The following APBB2 variants were observed in gnomAD, a reference collection of about 807,000 sequenced individuals.
The protein encoded by APBB2 is amyloid beta precursor protein binding family B member 2.
In APBB2, 38 loss-of-function variants were observed where a neutral mutation model predicts 82.5. That is an observed-to-expected ratio of 0.46 (90% CI 0.36 to 0.60). The LOEUF (loss-of-function observed/expected upper bound fraction) is 0.60, where lower values mean the gene tolerates loss of function less well. Ranked by LOEUF, APBB2 falls within the 20% of genes least tolerant of loss-of-function variation. APBB2 has a pLI of 0.00. For missense variants in APBB2, 772 were observed against 972.3 expected (o/e 0.79, Z 2.74); for synonymous variants, 341 against 368.2 (o/e 0.93, Z 0.85).
chr4:41,167,562 A>T (rs1331831639), intron 1 of APBB2, among the ~76,000 whole-genome samples: 1 of 152,218 alleles, frequency 6.6e-6, no homozygotes, highest in African/African-American at 2.4e-5. Flanking sequence ...CTAAATGTAC[A>T]AGTAGTGCCT....
At chr4:41,019,744 T>C (rs1398350012) in intron 5 of APBB2, among the ~76,000 whole-genome samples, 1 of 151,754 alleles carries the variant, frequency 6.6e-6, no homozygotes, top group Non-Finnish European at 1.5e-5. Flanking sequence ...AAGGTAGAGG[T>C]ATTGCATGCA....
At chr4:40,974,782 A>T (rs1796746485) in intron 6 of APBB2, among the ~76,000 whole-genome samples, 1 of 152,232 alleles carries the variant, frequency 6.6e-6, no homozygotes, top group Non-Finnish European at 1.5e-5. Context: ...TAAGAATGGC[A>T]TACAGTCGCT....
intron 5 of APBB2, among the ~76,000 whole-genome samples, chr4:41,021,307 C>T (rs903021707): frequency 6.6e-6 from 1 of 152,214 alleles, no homozygotes; most frequent in African/African-American, 2.4e-5. Context: ...AGTCATCACC[C>T]AATTCCCAAC....
intron 2 of APBB2, among the ~76,000 whole-genome samples, chr4:41,129,439 TG>T (rs1400663817): frequency 6.6e-6 from 1 of 152,164 alleles, no homozygotes; most frequent in Non-Finnish European, 1.5e-5. Flanking sequence ...CTGTGTGCCT[TG>T]GGAAGTCCAA....
intron 4 of APBB2, among the ~76,000 whole-genome samples, chr4:41,034,602 G>A (rs1426021753): frequency 1.3e-5 from 2 of 152,226 alleles, no homozygotes. Flanking sequence ...TGGGATTACA[G>A]GTGTGAGTCA....
At chr4:40,915,106 C>T (rs1779523828) in intron 10 of APBB2, among the ~76,000 whole-genome samples, 1 of 152,236 alleles carries the variant, frequency 6.6e-6, no homozygotes, top group South Asian at 2.1e-4. Context: ...CTTGTCCCCA[C>T]TGGTTATTCC....
intron 10 of APBB2, among the ~76,000 whole-genome samples, chr4:40,927,148 C>T (rs138088126): frequency 2.6e-4 from 36 of 141,136 alleles, no homozygotes; most frequent in African/African-American, 8.0e-4. Flanking sequence ...AAGATGAGGA[C>T]GCTGAAACCC....
chr4:41,101,356 T>C (rs4861369), intron 2 of APBB2, among the ~76,000 whole-genome samples: 106,308 of 147,386 alleles, frequency 0.72, 39,149 homozygotes, highest in African/African-American at 0.85. Flanking sequence ...CCCAGCTACT[T>C]GGGAGGCTGA....
At chr4:41,197,367 T>C in intron 1 of APBB2, among the ~76,000 whole-genome samples, 2 of 152,200 alleles carry the variant, frequency 1.3e-5, no homozygotes, top group African/African-American at 2.4e-5. Context: ...TATCTTCCAA[T>C]AGCAAATACA....
chr4:41,036,998 C>T (rs2154445102), intron 4 of APBB2, among the ~76,000 whole-genome samples: 1 of 152,282 alleles, frequency 6.6e-6, no homozygotes, highest in South Asian at 2.1e-4. Flanking sequence ...GCTGTGCTGT[C>T]CAATACAGTC....
intron 3 of APBB2, among the ~76,000 whole-genome samples, chr4:41,080,693 T>C (rs897719920): frequency 1.9e-4 from 26 of 139,106 alleles, no homozygotes; most frequent in Non-Finnish European, 3.5e-4. Flanking sequence ...GTGATGTAAA[T>C]GCTCCTTTTT....
intron 1 of APBB2, among the ~76,000 whole-genome samples, chr4:41,212,458 C>T (rs144072446): frequency 2.2e-3 from 333 of 152,270 alleles, no homozygotes; most frequent in Middle Eastern, 6.8e-3. Context: ...TCCCACCTCA[C>T]CATCCAGCTT....
At chr4:41,150,837 T>G (rs1431258984) in intron 1 of APBB2, among the ~76,000 whole-genome samples, 1 of 152,082 alleles carries the variant, frequency 6.6e-6, no homozygotes, top group Non-Finnish European at 1.5e-5. Context: ...ACCTACCAGG[T>G]TCAAGCGATT....
chr4:40,888,059 C>T (rs1445256822), intron 12 of APBB2, among the ~76,000 whole-genome samples: 5 of 152,220 alleles, frequency 3.3e-5, no homozygotes, highest in East Asian at 1.9e-4. Context: ...GACTCCTCTC[C>T]GACCTCCACT....
intron 3 of APBB2, among the ~76,000 whole-genome samples, chr4:41,090,888 G>C (rs1741452651): frequency 6.6e-6 from 1 of 152,160 alleles, no homozygotes; most frequent in Non-Finnish European, 1.5e-5. Context: ...AGTCAGAAGA[G>C]TCAGAAGTCA....
At chr4:41,044,187 T>A (rs959274936) in intron 4 of APBB2, among the ~76,000 whole-genome samples, 1 of 152,216 alleles carries the variant, frequency 6.6e-6, no homozygotes, top group Non-Finnish European at 1.5e-5. Flanking sequence ...CATCTACCAC[T>A]TGGTTTTCCA....
chr4:41,167,445 C>A (rs898407783), intron 1 of APBB2, among the ~76,000 whole-genome samples: 1 of 152,132 alleles, frequency 6.6e-6, no homozygotes, highest in African/African-American at 2.4e-5. Flanking sequence ...ATGATTAGCA[C>A]GTGAAAGACA....
intron 12 of APBB2, among the ~76,000 whole-genome samples, chr4:40,884,883 C>T (rs922097859): frequency 6.6e-6 from 1 of 152,048 alleles, no homozygotes; most frequent in African/African-American, 2.4e-5. Context: ...ATTCTTTAGA[C>T]AAAAGTTCCT....
chr4:40,903,809 G>C (rs527974994), intron 10 of APBB2, among the ~76,000 whole-genome samples: 1 of 152,282 alleles, frequency 6.6e-6, no homozygotes, highest in Admixed American at 6.5e-5. Flanking sequence ...TGCTGCCTAT[G>C]CTGCAATAGC....
Sources: gnomAD v4.1 joint callset for allele counts (sites outside exome capture counted in the v4.1 genomes callset) on GRCh38, gnomAD v4.1.1 for gene constraint, MANE v1.5 for transcripts, NCBI Gene and HGNC (gene_info 2026-07-23, HGNC 2026-07-21) for gene names.